Variants in NDRG3 observed in about 807,000 individuals in gnomAD.
The protein encoded by NDRG3 is NDRG family member 3.
NDRG3 carries 23 observed loss-of-function variants against 57.2 expected under a neutral mutation model. The observed-to-expected ratio is 0.40, with a 90% CI of 0.29 to 0.57. The LOEUF (loss-of-function observed/expected upper bound fraction) is 0.57. NDRG3 is among the 20% of genes least tolerant of loss of function. NDRG3 has a pLI of 0.42. For missense variants in NDRG3, 384 were observed against 457.3 expected (o/e 0.84, Z 1.46); for synonymous variants, 132 against 162.6 (o/e 0.81, Z 1.43).
At chr20:36,724,130 C>T (rs1275266) in intron 1 of NDRG3, among the ~76,000 whole-genome samples, 3,682 of 152,244 alleles carry the variant, frequency 0.024, 143 homozygotes, top group African/African-American at 0.083. Flanking sequence ...TTTGCCAACA[C>T]ACTGAAATAA....
At chr20:36,692,616 C>T (rs773056150) in intron 3 of NDRG3, among the ~76,000 whole-genome samples, 7 of 152,092 alleles carry the variant, frequency 4.6e-5, no homozygotes, top group Non-Finnish European at 8.8e-5. Context: ...GAGGTGTCTA[C>T]CCTACAGAAA....
chr20:36,669,482 G>A (rs571371466), intron 9 of NDRG3, among the ~76,000 whole-genome samples: 333 of 150,662 alleles, frequency 2.2e-3, no homozygotes, highest in African/African-American at 7.8e-3. Context: ...CACCTGCCTC[G>A]GCCTCCCAAA....
intron 2 of NDRG3, among the ~76,000 whole-genome samples, chr20:36,716,532 CAA>C (rs35687613): frequency 6.0e-4 from 60 of 100,462 alleles, no homozygotes; most frequent in African/African-American, 1.1e-3. Flanking sequence ...GACTCCATCT[CAA>C]AAAAAAAAAA....
At chr20:36,691,178 G>C (rs1179254690) in intron 3 of NDRG3, among the ~76,000 whole-genome samples, 2 of 152,150 alleles carry the variant, frequency 1.3e-5, no homozygotes, top group African/African-American at 4.8e-5. Context: ...CCTCATAAGA[G>C]CTTTGGTTTC....
intron 1 of NDRG3, among the ~76,000 whole-genome samples, chr20:36,724,821 C>T (rs1027935647): frequency 1.3e-5 from 2 of 151,446 alleles, no homozygotes; most frequent in Admixed American, 6.6e-5. Context: ...CCAGCTACTC[C>T]AGCAGGCTGA....
intron 8 of NDRG3, among the ~76,000 whole-genome samples, chr20:36,677,066 G>C (rs1980798205): frequency 6.6e-6 from 1 of 152,250 alleles, no homozygotes; most frequent in Non-Finnish European, 1.5e-5. Flanking sequence ...CGCTGCGCCT[G>C]TGGCTGCAGA....
chr20:36,692,522 C>A (rs1982353755), intron 3 of NDRG3, among the ~76,000 whole-genome samples: 1 of 152,146 alleles, frequency 6.6e-6, no homozygotes, highest in East Asian at 1.9e-4. Context: ...CCGTGCCCCA[C>A]AAGAATCAAC....
rs748236951 is a variant in NDRG3 at position 36,682,591 on chromosome 20, C to A, written c.384-13G>T. On this transcript the variant is annotated splice_polypyrimidine_tract_variant and intron_variant, in intron 6 of 15. Transcript: ENST00000349004. Reference sequence around the variant, plus strand: ...GATGCTTTTCAGGCTGTGAATGGGACATAACGACAACTGACAGAGTCAACT... The same window carrying A: ...GATGCTTTTCAGGCTGTGAATGGGAAATAACGACAACTGACAGAGTCAACT... The A allele has an allele frequency of 1.9e-6, 3 of 1,612,412 alleles. No homozygotes were observed. In the Admixed American group the frequency reaches 5.0e-5, roughly 27 times the overall value.
chr20:36,732,065 G>A (rs760338900), intron 1 of NDRG3, among the ~76,000 whole-genome samples: 8 of 152,184 alleles, frequency 5.3e-5, no homozygotes, highest in East Asian at 1.9e-4. Context: ...AGGCTGCAGC[G>A]AGCCACGACT....
intron 3 of NDRG3, among the ~76,000 whole-genome samples, chr20:36,689,969 C>T (rs1055054645): frequency 1.3e-5 from 2 of 152,044 alleles, no homozygotes; most frequent in Non-Finnish European, 2.9e-5. Flanking sequence ...ATCCACCCAC[C>T]TCCGCCTCCC....
intron 15 of NDRG3, among the ~76,000 whole-genome samples, chr20:36,654,429 ATCATC>A (rs1978473615): frequency 6.6e-6 from 1 of 152,184 alleles, no homozygotes. Context: ...AAAAGGTGCT[ATCATC>A]TGCAGAGTTC....
intron 1 of NDRG3, among the ~76,000 whole-genome samples, chr20:36,726,914 C>CTTTTTT (rs34520989): frequency 8.0e-6 from 1 of 125,438 alleles, no homozygotes; most frequent in Non-Finnish European, 1.5e-5. Flanking sequence ...ATCTTTCTTT[C>CTTTTTT]TTTTTTTTTT....
At position 36,665,398 on chromosome 20, in the gene NDRG3, C is replaced by T. The variant is rs777963823; in HGVS notation, c.693-97G>A. The stretch of plus-strand genomic sequence containing the variant: ...AAACACCAAAATTTATCAAGGAATG[C>T]GAAACTATCTTTCCTTCACACCTGA... On this transcript the variant is annotated intron_variant, in intron 10 of 15. Coordinates refer to ENST00000349004, the MANE Select transcript of NDRG3 (RefSeq NM_032013.4). 8.9e-5 allele frequency: 97 copies of T among 1,085,966 alleles called. No individual in the cohort carries two copies. The Middle Eastern group carries it at 2.2e-3, about 25-fold the overall frequency. The allele number at this position is 1,085,966 out of a possible 1,614,324, so 67.3% of individuals were successfully genotyped here. A position where few individuals can be genotyped will look rare whatever the true frequency, so the allele number is the denominator to read the frequency against.
intron 8 of NDRG3, 72 bp from the exon 9 acceptor site, chr20:36,671,469 G>T (rs1980154597): frequency 2.6e-6 from 3 of 1,135,248 alleles, no homozygotes; most frequent in Non-Finnish European, 4.0e-6. Context: ...CAATTAAAAT[G>T]AGTGCACTTT....
intron 2 of NDRG3, among the ~76,000 whole-genome samples, chr20:36,716,260 C>T (rs907775387): frequency 2.6e-5 from 4 of 151,910 alleles, no homozygotes; most frequent in Admixed American, 2.6e-4. Context: ...CAGGTGGGTG[C>T]GGTGGCTCAT....
Position 36,721,754 on chromosome 20 carries a change from T to G in NDRG3, c.-19A>C. The G allele has an allele frequency of 5.7e-6, 9 of 1,574,920 alleles. No individual in the cohort carries two copies. The highest frequency in any genetic ancestry group is 7.8e-6 in the Non-Finnish European group (9 of 1,147,940). ...CATCCATGAGGTCAGATAACGAGAG[T>G]AGAGGAATCTCAAGAATAAATCAGT... On this transcript the variant is annotated 5_prime_UTR_variant, in exon 2 of 16. Transcript: ENST00000349004.
At chr20:36,718,058 GC>G (rs1222864912) in intron 2 of NDRG3, among the ~76,000 whole-genome samples, 1 of 152,206 alleles carries the variant, frequency 6.6e-6, no homozygotes, top group Non-Finnish European at 1.5e-5. Context: ...TTACTCACTG[GC>G]AATGTGGGAA....
chr20:36,735,584 G>A (rs1368787076), intron 1 of NDRG3, among the ~76,000 whole-genome samples: 3 of 152,182 alleles, frequency 2.0e-5, no homozygotes, highest in African/African-American at 7.2e-5. Context: ...TAAGGATTAG[G>A]ATGGTCAGGA....
At chr20:36,709,520 G>A (rs2070898330) in intron 2 of NDRG3, among the ~76,000 whole-genome samples, 1 of 152,146 alleles carries the variant, frequency 6.6e-6, no homozygotes, top group Non-Finnish European at 1.5e-5. Context: ...GTCACAGTAT[G>A]GAAAGACAAC....
Sources: gnomAD v4.1 joint callset for allele counts (sites outside exome capture counted in the v4.1 genomes callset) on GRCh38, gnomAD v4.1.1 for gene constraint, MANE v1.5 for transcripts, NCBI Gene and HGNC (gene_info 2026-07-23, HGNC 2026-07-21) for gene names.